Variants in PDE1C observed in about 807,000 individuals in gnomAD.
PDE1C encodes the protein dual specificity calcium/calmodulin-dependent 3',5'-cyclic nucleotide phosphodiesterase 1C.
A neutral mutation model predicts 93.1 loss-of-function variants in PDE1C; 62 were observed. The ratio of observed to expected loss-of-function variants is 0.67; its 90% CI spans 0.54 to 0.82. PDE1C has a LOEUF of 0.82. Ranked by LOEUF, PDE1C falls within the 40% of genes least tolerant of loss-of-function variation. The pLI is 0.00. For synonymous variants in PDE1C, 325 were observed against 310.1 expected, an observed-to-expected ratio of 1.05 and a Z score of -0.50; for missense variants, 742 against 884.6, an observed-to-expected ratio of 0.84 and a Z score of 2.04.
At chr7:31,979,474 TC>T (rs1812102524) in intron 2 of PDE1C, among the ~76,000 whole-genome samples, 1 of 152,158 alleles carries the variant, frequency 6.6e-6, no homozygotes, top group African/African-American at 2.4e-5. Context: ...CATCTCACCC[TC>T]AAACAATCTT....
intron 3 of PDE1C, among the ~76,000 whole-genome samples, chr7:32,130,817 CCT>C (rs1799875479): frequency 6.6e-6 from 1 of 152,010 alleles, no homozygotes; most frequent in African/African-American, 2.4e-5. Context: ...AAAATTGTAA[CCT>C]CTCTCCCCTT....
intron 2 of PDE1C, among the ~76,000 whole-genome samples, chr7:31,994,605 A>G (rs1241929972): frequency 2.6e-5 from 4 of 152,180 alleles, no homozygotes; most frequent in Non-Finnish European, 1.5e-5. Context: ...AGTTCTTCGT[A>G]GCCTCACCAT....
intron 2 of PDE1C, among the ~76,000 whole-genome samples, chr7:31,954,412 C>T (rs1160551724): frequency 6.6e-6 from 1 of 152,216 alleles, no homozygotes; most frequent in Non-Finnish European, 1.5e-5. Flanking sequence ...ATCAATAATG[C>T]TAAGCCACTG....
chr7:32,080,270 T>C (rs1796581820), intron 3 of PDE1C, among the ~76,000 whole-genome samples: 1 of 152,122 alleles, frequency 6.6e-6, no homozygotes, highest in South Asian at 2.1e-4. Context: ...AAAAGTCTTG[T>C]TCACCACTGT....
chr7:31,647,336 G>A, the PDE1C span, among the ~76,000 whole-genome samples: 2 of 152,140 alleles, frequency 1.3e-5, no homozygotes, highest in African/African-American at 4.8e-5. Context: ...TGGACCAAGT[G>A]AAGATTATAA....
At chr7:31,639,726 C>T in the PDE1C span, among the ~76,000 whole-genome samples, 8 of 151,682 alleles carry the variant, frequency 5.3e-5, no homozygotes, top group South Asian at 2.1e-4. Flanking sequence ...TTAGTAGAGA[C>T]GGGGTTTCAC....
chr7:32,356,413 C>T (rs1784030335), intron 1 of PDE1C, among the ~76,000 whole-genome samples: 1 of 152,198 alleles, frequency 6.6e-6, no homozygotes, highest in South Asian at 2.1e-4. Context: ...AAAACAAAAC[C>T]TTGCTGCCTA....
At position 32,047,501 on chromosome 7, in the gene PDE1C, C is replaced by T. The variant is rs1792764629; in HGVS notation, c.128+4053G>A. 2.6e-5 allele frequency among the ~76,000 whole-genome samples: 4 copies of T among 152,126 alleles called. No homozygotes were observed. In the South Asian group the frequency reaches 8.3e-4, roughly 31 times the overall value. On this transcript the variant is annotated intron_variant, in intron 2 of 17. Transcript: ENST00000396191. ...TCCCTTGCTAACCCGATAAAGAGGA[C>T]TTATGAAATCACTCTTTCTACTGAA... is the stretch of plus-strand genomic sequence containing the variant.
At chr7:31,668,550 C>G in the PDE1C span, among the ~76,000 whole-genome samples, 1 of 151,834 alleles carries the variant, frequency 6.6e-6, no homozygotes, top group Non-Finnish European at 1.5e-5. Context: ...ACCTCATAAA[C>G]ATACTGAGTA....
chr7:32,070,507 A>G, upstream of PDE1C: 8 of 1,527,746 alleles, frequency 5.2e-6, no homozygotes, highest in Non-Finnish European at 6.2e-6. Flanking sequence ...TTTGCCCGGC[A>G]CTTTCTCGGC....
At chr7:31,967,143 A>G (rs1810122052) in intron 2 of PDE1C, among the ~76,000 whole-genome samples, 1 of 152,172 alleles carries the variant, frequency 6.6e-6, no homozygotes, top group Non-Finnish European at 1.5e-5. Flanking sequence ...GACACAAAAA[A>G]CCCTTCAAAA....
chr7:32,219,262 G>A (rs1806659934), intron 1 of PDE1C, among the ~76,000 whole-genome samples: 1 of 152,180 alleles, frequency 6.6e-6, no homozygotes, highest in Non-Finnish European at 1.5e-5. Flanking sequence ...TGGAGAGGAT[G>A]ATGGAGTCTG....
At chr7:31,864,505 C>T (rs549256895) in intron 7 of PDE1C, among the ~76,000 whole-genome samples, 3 of 152,178 alleles carry the variant, frequency 2.0e-5, no homozygotes, top group South Asian at 2.1e-4. Flanking sequence ...ATGTGAATAA[C>T]TATAGTCCCT....
At position 31,963,268 on chromosome 7, in the gene PDE1C, T is replaced by C. The variant is rs62456053; in HGVS notation, c.129-82408A>G. ...ATTTAAAAAAAAGGTGGGAAATTCA[T>C]TGTACGATGTTTAACACCAAACGTT... On this transcript the variant is annotated intron_variant, in intron 2 of 17. Coordinates refer to ENST00000396191, the MANE Select transcript of PDE1C (RefSeq NM_001191057.4). Among the ~76,000 whole-genome samples, 448 of 152,324 alleles carry C rather than the reference T, an allele frequency of 2.9e-3. 2 individuals carry two copies. Among genetic ancestry groups the C allele is most frequent in the Admixed American group, 0.013 (200 of 15,300 alleles).
In PDE1C at chr7:31,752,868, TG is replaced by T; in HGVS notation, c.*515del. ...TTTTTACATTCAGAAGCACAACTTC[TG>T]TTTTGAATACATTTACTTTGATAGT... On this transcript the variant is annotated 3_prime_UTR_variant, in exon 18 of 18. Transcript: ENST00000396191. The T allele has an allele frequency of 6.6e-6, 1 of 152,348 alleles. No homozygotes were observed. The highest frequency in any genetic ancestry group is 2.1e-4 in the South Asian group (1 of 4,830). The allele number at this position is 152,348 out of a possible 1,614,324, so 9.4% of individuals were successfully genotyped here. A position where few individuals can be genotyped will look rare whatever the true frequency, so the allele number is the denominator to read the frequency against.
At chr7:32,303,379 T>G (rs1228039336), upstream of PDE1C, among the ~76,000 whole-genome samples, 1 of 152,186 alleles carries the variant, frequency 6.6e-6, no homozygotes, top group Non-Finnish European at 1.5e-5. Flanking sequence ...ATACTAGGCA[T>G]TGTGCTAACC....
intron 3 of PDE1C, among the ~76,000 whole-genome samples, chr7:32,096,233 A>C (rs1797740754): frequency 6.6e-6 from 1 of 152,070 alleles, no homozygotes; most frequent in Non-Finnish European, 1.5e-5. Flanking sequence ...TGGGAACTGC[A>C]CTCTACCTTC....
chr7:32,288,335 A>T (rs1171274993), intron 1 of PDE1C, among the ~76,000 whole-genome samples: 1 of 152,166 alleles, frequency 6.6e-6, no homozygotes, highest in Non-Finnish European at 1.5e-5. Flanking sequence ...AAAGCCTCTC[A>T]TTATCATCAG....
chr7:32,213,498 GC>G (rs1228200344), intron 1 of PDE1C, among the ~76,000 whole-genome samples: 11 of 152,202 alleles, frequency 7.2e-5, no homozygotes, highest in African/African-American at 2.7e-4. Context: ...TACAAAAAGT[GC>G]TGTCGCCCGG....
Sources: gnomAD v4.1 joint callset for allele counts (sites outside exome capture counted in the v4.1 genomes callset) on GRCh38, gnomAD v4.1.1 for gene constraint, MANE v1.5 for transcripts, NCBI Gene and HGNC (gene_info 2026-07-23, HGNC 2026-07-21) for gene names.